Variants in UNC5A observed in about 807,000 individuals in gnomAD.
UNC5A encodes netrin receptor UNC5A.
In UNC5A, 20 loss-of-function variants were observed where a neutral mutation model predicts 87.4. That is an observed-to-expected ratio of 0.23 (90% CI 0.16 to 0.33). The LOEUF (loss-of-function observed/expected upper bound fraction) is 0.33. UNC5A is among the 10% of genes least tolerant of loss of function. The pLI is 1.00. For synonymous variants in UNC5A, 438 were observed against 482.3 expected (o/e 0.91, Z 1.20); for missense variants, 844 against 1,133.4 (o/e 0.74, Z 3.67).
chr5:176,817,253 C>T (rs1756610804), intron 1 of UNC5A, among the ~76,000 whole-genome samples: 1 of 149,394 alleles, frequency 6.7e-6, no homozygotes, highest in Non-Finnish European at 1.5e-5. Flanking sequence ...ACCTTGAGCT[C>T]CAGGCAAATA....
intron 1 of UNC5A, among the ~76,000 whole-genome samples, chr5:176,826,233 C>T (rs543814670): frequency 6.6e-6 from 1 of 152,332 alleles, no homozygotes; most frequent in Non-Finnish European, 1.5e-5. Context: ...TCTGCTGCTA[C>T]AGCACAAGCC....
chr5:176,833,655 CT>C (rs1194271583), intron 1 of UNC5A, among the ~76,000 whole-genome samples: 4 of 152,148 alleles, frequency 2.6e-5, no homozygotes, highest in African/African-American at 9.7e-5. Flanking sequence ...AGTCTCTGCC[CT>C]TTGTGGCTGC....
rs1169374682 is a variant in UNC5A at position 176,824,488 on chromosome 5, G to A, written c.70+13668G>A. Among the ~76,000 whole-genome samples the A allele has an allele frequency of 6.6e-6, 1 of 152,074 alleles. No homozygotes were observed. The highest frequency in any genetic ancestry group is 2.4e-5 in the African/African-American group (1 of 41,394). ...AGAAAGATGATGATGTGAGCAAAGCGCCCACCCAGAGGTAGCAAGGTGGCA... is the reference window on the plus strand; with the variant it reads ...AGAAAGATGATGATGTGAGCAAAGCACCCACCCAGAGGTAGCAAGGTGGCA... On this transcript the variant is annotated intron_variant, in intron 1 of 14. Coordinates refer to ENST00000329542, the MANE Select transcript of UNC5A (RefSeq NM_133369.3). The surrounding 1 kb of genome is among the most constrained non-coding windows in gnomAD (Gnocchi z 4.2).
intron 1 of UNC5A, among the ~76,000 whole-genome samples, chr5:176,852,972 G>A (rs1581262434): frequency 1.3e-5 from 2 of 152,350 alleles, no homozygotes; most frequent in African/African-American, 2.4e-5. Flanking sequence ...TGGCAGGCGT[G>A]AGGAGGAAAA....
At chr5:176,856,648 C>T (rs1259993181) in intron 1 of UNC5A, among the ~76,000 whole-genome samples, 1 of 152,134 alleles carries the variant, frequency 6.6e-6, no homozygotes, top group East Asian at 1.9e-4. Flanking sequence ...AGAAAGGCCT[C>T]CAGGAGGAGG....
At chr5:176,857,436 T>A (rs1475249417) in intron 1 of UNC5A, among the ~76,000 whole-genome samples, 1 of 152,144 alleles carries the variant, frequency 6.6e-6, no homozygotes, top group East Asian at 1.9e-4. Flanking sequence ...CCCCGGGGAC[T>A]CATCTGCTTC....
chr5:176,817,466 C>T (rs898195865), intron 1 of UNC5A, among the ~76,000 whole-genome samples: 11 of 152,150 alleles, frequency 7.2e-5, no homozygotes, highest in South Asian at 2.1e-4. Flanking sequence ...CGGGAGTACT[C>T]CCTGAATTAG....
At chr5:176,831,394 T>C (rs2113607308) in intron 1 of UNC5A, among the ~76,000 whole-genome samples, 1 of 152,222 alleles carries the variant, frequency 6.6e-6, no homozygotes, top group South Asian at 2.1e-4. Context: ...GGCACCCCTT[T>C]TGTTCATCAC....
chr5:176,868,552 C>G lies in UNC5A; in HGVS notation c.437-9C>G. ...CTCAGACAGGAGGACACTCTCATTCCTCTTCTAGATTTGCGCAAGAACTTC... is the reference window on the plus strand; with the variant it reads ...CTCAGACAGGAGGACACTCTCATTCGTCTTCTAGATTTGCGCAAGAACTTC... On this transcript the variant is annotated splice_polypyrimidine_tract_variant and intron_variant, in intron 3 of 14. Coordinates refer to ENST00000329542, the MANE Select transcript of UNC5A (RefSeq NM_133369.3). 1 of 1,592,674 alleles carries G rather than the reference C, an allele frequency of 6.3e-7. No individual in the cohort carries two copies.
Position 176,867,172 on chromosome 5 carries a change from A to C in UNC5A, c.293-958A>C, listed in dbSNP as rs561478289. 6.7e-4 allele frequency among the ~76,000 whole-genome samples: 102 copies of C among 152,258 alleles called. 1 individual carries two copies. The highest frequency in any genetic ancestry group is 2.4e-3 in the African/African-American group (98 of 41,566). On this transcript the variant is annotated intron_variant, in intron 2 of 14. Coordinates refer to ENST00000329542, the MANE Select transcript of UNC5A (RefSeq NM_133369.3). ...TCTGATAAGCCAATGACCCGAGGGAAATTGGGGTCAGGAGGAGGAGAAATT... is the reference window on the plus strand; with the variant it reads ...TCTGATAAGCCAATGACCCGAGGGACATTGGGGTCAGGAGGAGGAGAAATT...
chr5:176,825,525 C>T (rs976216021), intron 1 of UNC5A, among the ~76,000 whole-genome samples: 2 of 152,162 alleles, frequency 1.3e-5, no homozygotes, highest in Non-Finnish European at 2.9e-5. Context: ...TTGGAATCTG[C>T]AGAGCATGGA....
chr5:176,818,309 G>A (rs914152552), intron 1 of UNC5A, among the ~76,000 whole-genome samples: 2 of 152,216 alleles, frequency 1.3e-5, no homozygotes, highest in Admixed American at 1.3e-4. Flanking sequence ...AGATGAGGCC[G>A]AGCACCGACT....
Position 176,878,617 on chromosome 5 carries a change from G to C in UNC5A, c.2162G>C (p.Ser721Thr). The C allele has an allele frequency of 6.2e-7, 1 of 1,612,506 alleles. No homozygotes were observed. Among genetic ancestry groups the C allele is most frequent in the Non-Finnish European group, 8.5e-7 (1 of 1,179,760 alleles). ...WQVEGDGQSF[S>T]INFNITKDTR... ...GTGGAGGGCGACGGGCAGAGCTTCA[G>C]CATCAACTTCAACATCACCAAGGTG... Residue 721 changes from serine to threonine, a missense_variant, in exon 13 of 15, where the codon AGC becomes ACC. By Grantham distance (58) the Ser-to-Thr change is moderately conservative. Coordinates refer to ENST00000329542, the MANE Select transcript of UNC5A (RefSeq NM_133369.3).
At chr5:176,819,761 A>C (rs1756683316) in intron 1 of UNC5A, among the ~76,000 whole-genome samples, 1 of 152,216 alleles carries the variant, frequency 6.6e-6, no homozygotes, top group African/African-American at 2.4e-5. Context: ...CGGAGCCACC[A>C]AGGCCATTGT....
At chr5:176,813,292 T>TGG (rs1198837992) in intron 1 of UNC5A, among the ~76,000 whole-genome samples, 1 of 152,192 alleles carries the variant, frequency 6.6e-6, no homozygotes, top group Non-Finnish European at 1.5e-5. Context: ...CCCTTGAAGA[T>TGG]GGGGCTGAGG....
chr5:176,879,601 T>G (rs1203829519), intron 14 of UNC5A, 113 bp downstream of exon 14: 1 of 1,541,398 alleles, frequency 6.5e-7, no homozygotes, highest in African/African-American at 1.4e-5. Flanking sequence ...CATCTACTAG[T>G]GGCCGGGGCA....
chr5:176,836,365 C>T (rs1435030161), intron 1 of UNC5A, among the ~76,000 whole-genome samples: 1 of 152,200 alleles, frequency 6.6e-6, no homozygotes, highest in Non-Finnish European at 1.5e-5. Context: ...TGGGGCAGAA[C>T]TGGATTGTAT....
intron 1 of UNC5A, among the ~76,000 whole-genome samples, chr5:176,826,741 C>T (rs913370982): frequency 4.0e-5 from 6 of 150,992 alleles, no homozygotes; most frequent in East Asian, 3.9e-4. Context: ...CCCGGGTTCA[C>T]GCCATTCTCC....
intron 2 of UNC5A, among the ~76,000 whole-genome samples, chr5:176,864,376 G>A (rs1171112809): frequency 3.3e-5 from 5 of 152,194 alleles, no homozygotes; most frequent in African/African-American, 4.8e-5. Flanking sequence ...GGCTGCGGTC[G>A]CACTTGCACT....
Sources: allele counts gnomAD v4.1 joint callset (sites outside exome capture counted in the v4.1 genomes callset), GRCh38; gene constraint gnomAD v4.1.1; non-coding constraint Gnocchi (gnomAD v3.1); transcripts MANE v1.5; gene names NCBI Gene and HGNC (gene_info 2026-07-23, HGNC 2026-07-21).